DTNB: variants seen among roughly 807,000 people sequenced by gnomAD.
DTNB encodes the protein DTN-B.
Under a neutral mutation model 90.7 loss-of-function variants are expected in DTNB, and 63 were observed. The ratio of observed to expected loss-of-function variants is 0.69; its 90% CI spans 0.57 to 0.86. The LOEUF (loss-of-function observed/expected upper bound fraction) is 0.86. Ranked by LOEUF, DTNB falls within the 40% of genes least tolerant of loss-of-function variation. DTNB has a pLI of 0.00. For missense variants in DTNB, 744 were observed against 807.1 expected (o/e 0.92, Z 0.95); for synonymous variants, 277 against 286.7 (o/e 0.97, Z 0.34).
At chr2:25,551,791 AT>A (rs1163111672) in intron 8 of DTNB, among the ~76,000 whole-genome samples, 3 of 152,128 alleles carry the variant, frequency 2.0e-5, no homozygotes, top group Non-Finnish European at 4.4e-5. Context: ...ATCTCTCTGC[AT>A]TTTCTTTAGC....
chr2:25,652,552 CA>C, intron 2 of DTNB, 41 bp downstream of exon 2: 1 of 1,466,518 alleles, frequency 6.8e-7, no homozygotes, highest in East Asian at 2.4e-5. Context: ...AAAAAAACCA[CA>C]CAAACATTCC....
intron 5 of DTNB, among the ~76,000 whole-genome samples, chr2:25,604,048 T>C (rs1376071175): frequency 6.6e-6 from 1 of 151,686 alleles, no homozygotes; most frequent in South Asian, 2.1e-4. Context: ...TGCTAAGAGG[T>C]TTGGTTATTA....
At chr2:25,663,143 A>T (rs915106984) in intron 1 of DTNB, among the ~76,000 whole-genome samples, 5 of 149,956 alleles carry the variant, frequency 3.3e-5, no homozygotes, top group African/African-American at 1.2e-4. Context: ...ACTCCCACTT[A>T]TGAGTGAGAA....
chr2:25,404,923 CATT>C (rs1039841593), intron 16 of DTNB, among the ~76,000 whole-genome samples: 11 of 152,158 alleles, frequency 7.2e-5, no homozygotes, highest in Admixed American at 5.9e-4. Flanking sequence ...AACTCGCCAC[CATT>C]ATTATTTTTT....
Position 25,536,153 on chromosome 2 carries a change from A to T in DTNB, c.877-4556T>A, listed in dbSNP as rs1381086956. 2.7e-5 allele frequency among the ~76,000 whole-genome samples: 4 copies of T among 145,964 alleles called. No individual in the cohort carries two copies. The East Asian group carries it at 8.7e-4, about 32-fold the overall frequency. On this transcript the variant is annotated intron_variant, in intron 8 of 20. Coordinates refer to ENST00000406818, the MANE Select transcript of DTNB (RefSeq NM_021907.5). ...CTCACATCCCAGACGATGGGCGGCC[A>T]CGCAGAGATGCTCCTCACTTCCTAG...
rs985455693 is a variant in DTNB at position 25,424,380 on chromosome 2, G to C, written c.1554+3155C>G. 2.6e-5 allele frequency among the ~76,000 whole-genome samples: 4 copies of C among 152,164 alleles called. No individual in the cohort carries two copies. The highest frequency in any genetic ancestry group is 6.5e-5 in the Admixed American group (1 of 15,276). ...AGAGTTGCGGGCATTAGCTCGTTCT[G>C]CTTAGCCCTTGAATACAAGCATCAG... On this transcript the variant is annotated intron_variant, in intron 15 of 20. Transcript: ENST00000406818. This position sits in a 1 kb window ranked among gnomAD's most constrained non-coding sequence, Gnocchi z 4.1.
intron 6 of DTNB, among the ~76,000 whole-genome samples, chr2:25,584,387 T>A (rs1170638516): frequency 6.6e-6 from 1 of 152,208 alleles, no homozygotes; most frequent in African/African-American, 2.4e-5. Flanking sequence ...GGAATCCATG[T>A]GTCTTCTATA....
intron 16 of DTNB, among the ~76,000 whole-genome samples, chr2:25,405,324 T>C (rs2044825835): frequency 6.6e-6 from 1 of 152,118 alleles, no homozygotes; most frequent in East Asian, 1.9e-4. Flanking sequence ...GCAGATCACT[T>C]GAGGTCAGGA....
chr2:25,606,734 T>C (rs1021219064), intron 5 of DTNB, among the ~76,000 whole-genome samples: 1 of 151,996 alleles, frequency 6.6e-6, no homozygotes, highest in East Asian at 1.9e-4. Flanking sequence ...TAAAAAAAAA[T>C]TAGCAAAGAT....
intron 16 of DTNB, among the ~76,000 whole-genome samples, chr2:25,398,164 A>G (rs1018070842): frequency 1.3e-5 from 2 of 152,214 alleles, no homozygotes; most frequent in African/African-American, 4.8e-5. Flanking sequence ...GGCCAGCCAC[A>G]TGTGTCTAAA....
At chr2:25,561,574 G>A (rs1428867189) in intron 8 of DTNB, among the ~76,000 whole-genome samples, 5 of 152,206 alleles carry the variant, frequency 3.3e-5, no homozygotes, top group Admixed American at 1.3e-4. Flanking sequence ...GTGGTGGGAG[G>A]TGACTGCATT....
chr2:25,475,938 A>T (rs575546434), intron 10 of DTNB, among the ~76,000 whole-genome samples: 1 of 152,342 alleles, frequency 6.6e-6, no homozygotes, highest in South Asian at 2.1e-4. Context: ...CTTTCAAAAC[A>T]GTACTGCTCA....
At chr2:25,459,012 G>A (rs994139030) in intron 10 of DTNB, among the ~76,000 whole-genome samples, 2 of 151,378 alleles carry the variant, frequency 1.3e-5, no homozygotes, top group African/African-American at 4.8e-5. Context: ...GAACTCTTGG[G>A]TTCAGGTATG....
intron 1 of DTNB, among the ~76,000 whole-genome samples, chr2:25,666,748 C>T (rs1381719098): frequency 6.6e-6 from 1 of 152,110 alleles, no homozygotes; most frequent in African/African-American, 2.4e-5. Flanking sequence ...AAGCTCTAGG[C>T]TTGCTGGATC....
intron 8 of DTNB, among the ~76,000 whole-genome samples, chr2:25,556,720 A>G (rs2057418339): frequency 6.6e-6 from 1 of 152,192 alleles, no homozygotes; most frequent in Non-Finnish European, 1.5e-5. Context: ...CCACTCGGAG[A>G]ATCAGAAAAA....
chr2:25,639,574 CTTCCAGTCTGTGGCAGCCTGTATT>C (rs1369929940), intron 2 of DTNB, among the ~76,000 whole-genome samples: 2 of 151,036 alleles, frequency 1.3e-5, no homozygotes, highest in Non-Finnish European at 2.9e-5. Context: ...GAAAGGTCCC[CTTCCAGTCTGTGGCAGCCTGTATT>C]TTCCAAAAAA....
At chr2:25,459,950 A>AC (rs2060676787) in intron 10 of DTNB, among the ~76,000 whole-genome samples, 1 of 152,178 alleles carries the variant, frequency 6.6e-6, no homozygotes, top group Non-Finnish European at 1.5e-5. Flanking sequence ...TTTCTAAAAA[A>AC]AATTAAAAGA....
chr2:25,398,643 A>T (rs555129571), intron 16 of DTNB, among the ~76,000 whole-genome samples: 1 of 152,250 alleles, frequency 6.6e-6, no homozygotes, highest in South Asian at 2.1e-4. Context: ...TTTTGACAAA[A>T]AAGCAAAAGT....
At chr2:25,627,153 C>T (rs561464223) in intron 4 of DTNB, among the ~76,000 whole-genome samples, 9 of 152,290 alleles carry the variant, frequency 5.9e-5, no homozygotes, top group Admixed American at 5.2e-4. Context: ...TGGCTCACAC[C>T]TGTAATCCCA....
Sources: gnomAD v4.1 joint callset for allele counts (sites outside exome capture counted in the v4.1 genomes callset) on GRCh38, gnomAD v4.1.1 for gene constraint, Gnocchi (gnomAD v3.1) non-coding constraint, MANE v1.5 for transcripts, NCBI Gene and HGNC (gene_info 2026-07-23, HGNC 2026-07-21) for gene names.